The following ZNF540 variants were observed in gnomAD, a reference collection of about 807,000 sequenced individuals.
ZNF540 encodes the protein zinc finger protein 540, also known as CTD-3064H18.6.
ZNF540 carries 3 observed loss-of-function variants against 11.8 expected under a neutral mutation model. That is an observed-to-expected ratio of 0.25 (90% CI 0.12 to 0.65). The LOEUF (loss-of-function observed/expected upper bound fraction) is 0.65. ZNF540 is among the 30% of genes least tolerant of loss of function. The pLI is 0.83. For missense variants in ZNF540, 709 were observed against 793.1 expected (o/e 0.89, Z 1.27); for synonymous variants, 247 against 259.0 (o/e 0.95, Z 0.45).
At chr19:37,590,688 A>AT (rs1453851007), upstream of ZNF540, among the ~76,000 whole-genome samples, 1 of 152,188 alleles carries the variant, frequency 6.6e-6, no homozygotes, top group Non-Finnish European at 1.5e-5. Flanking sequence ...AAACTGGTAA[A>AT]TATGTAAGGA....
chr19:37,611,280 G>A (rs928600083), intron 4 of ZNF540: 12 of 284,376 alleles, frequency 4.2e-5, no homozygotes, highest in African/African-American at 6.7e-5. Context: ...ACCTGCCTTG[G>A]CCTTCCAAAG....
chr19:37,574,332 A>C (rs985579482), intron 1 of ZNF540, among the ~76,000 whole-genome samples: 1 of 152,206 alleles, frequency 6.6e-6, no homozygotes, highest in African/African-American at 2.4e-5. Flanking sequence ...GTCCTGGGAC[A>C]ACCCTGCTTT....
At chr19:37,593,604 T>G (rs373607586), upstream of ZNF540, among the ~76,000 whole-genome samples, 2 of 151,980 alleles carry the variant, frequency 1.3e-5, no homozygotes, top group Non-Finnish European at 2.9e-5. Context: ...TCGGGAGGCT[T>G]AGGCAGGAGA....
chr19:37,597,859 G>A (rs2044008444), intron 1 of ZNF540, among the ~76,000 whole-genome samples: 1 of 152,272 alleles, frequency 6.6e-6, no homozygotes, highest in Non-Finnish European at 1.5e-5. Context: ...AAACACATGA[G>A]CATAGCTGTG....
chr19:37,586,469 A>T, intron 1 of ZNF540: 1 of 621,490 alleles, frequency 1.6e-6, no homozygotes, highest in Non-Finnish European at 2.9e-6. Context: ...TGCTGAATGA[A>T]TATCTGAAAA....
intron 4 of ZNF540, among the ~76,000 whole-genome samples, chr19:37,607,207 A>G (rs1191050358): frequency 2.6e-5 from 4 of 152,168 alleles, no homozygotes; most frequent in Non-Finnish European, 4.4e-5. Flanking sequence ...AGCAGAAAGT[A>G]CAGGTTTCCT....
chr19:37,578,036 T>C (rs2043305319), intron 1 of ZNF540, among the ~76,000 whole-genome samples: 1 of 152,050 alleles, frequency 6.6e-6, no homozygotes, highest in African/African-American at 2.4e-5. Flanking sequence ...TCGAACCCTA[T>C]AGTAAAGTGT....
chr19:37,562,857 CTG>C (rs758974073), intron 1 of ZNF540: 3 of 152,108 alleles, frequency 2.0e-5, no homozygotes, highest in Non-Finnish European at 4.4e-5. Context: ...TGGTAATTAA[CTG>C]TTAACTGGCT....
intron 1 of ZNF540, among the ~76,000 whole-genome samples, chr19:37,574,863 TA>T: frequency 6.6e-6 from 1 of 152,246 alleles, no homozygotes; most frequent in East Asian, 1.9e-4. Context: ...TACCAACAAA[TA>T]AAGATCAACT....
intron 1 of ZNF540, chr19:37,555,831 T>C (rs890845604): frequency 1.2e-5 from 8 of 692,610 alleles, no homozygotes; most frequent in Non-Finnish European, 1.8e-5. Flanking sequence ...TCATGGACAG[T>C]TATAGTAAGA....
intron 1 of ZNF540, among the ~76,000 whole-genome samples, chr19:37,582,763 T>C (rs1310177377): frequency 6.6e-6 from 1 of 152,224 alleles, no homozygotes; most frequent in Non-Finnish European, 1.5e-5. Flanking sequence ...CTTCAAAATA[T>C]AGCCTGTTCT....
intron 1 of ZNF540, among the ~76,000 whole-genome samples, chr19:37,557,427 G>A (rs1276929624): frequency 1.3e-5 from 2 of 152,156 alleles, no homozygotes; most frequent in African/African-American, 2.4e-5. Context: ...CAGTGTTAAC[G>A]TTAATATCCT....
At chr19:37,603,244 T>A (rs2044054540) in intron 4 of ZNF540, among the ~76,000 whole-genome samples, 1 of 152,144 alleles carries the variant, frequency 6.6e-6, no homozygotes, top group Admixed American at 6.5e-5. Context: ...TGACCTCAGA[T>A]GATCCACCCA....
chr19:37,575,211 T>C (rs1211870522), intron 1 of ZNF540, among the ~76,000 whole-genome samples: 1 of 152,202 alleles, frequency 6.6e-6, no homozygotes, highest in Non-Finnish European at 1.5e-5. Context: ...CTAACTACTT[T>C]ATGGATGCAT....
Position 37,601,103 on chromosome 19 carries a change from C to T in ZNF540, c.230C>T (p.Pro77Leu), listed in dbSNP as rs1361868321. ...VARDVTGRQC[P>L]GLLSRHKTKK... ...AGGGATGTGACAGGAAGACAGTGCCCCGGTGAGTTGAGAGTTCATCAGGCA... is the reference window on the plus strand; with the variant it reads ...AGGGATGTGACAGGAAGACAGTGCCTCGGTGAGTTGAGAGTTCATCAGGCA... Residue 77 changes from proline (P) to leucine (L), a missense_variant and splice_region_variant, in exon 4 of 5, where the codon CCC becomes CTC. By Grantham distance (98) the Pro-to-Leu change is moderately conservative. Transcript: ENST00000316433. 6.4e-7 allele frequency: 1 copy of T among 1,572,198 alleles called. No individual in the cohort carries two copies. The highest frequency in any genetic ancestry group is 8.6e-7 in the Non-Finnish European group (1 of 1,158,418).
chr19:37,584,486 A>T (rs1308911444), intron 1 of ZNF540, among the ~76,000 whole-genome samples: 5 of 152,232 alleles, frequency 3.3e-5, no homozygotes, highest in Admixed American at 6.5e-5. Context: ...AAATACTTTT[A>T]AAAAGATGAA....
intron 1 of ZNF540, among the ~76,000 whole-genome samples, chr19:37,561,310 A>G (rs1368260035): frequency 6.6e-6 from 1 of 152,220 alleles, no homozygotes; most frequent in East Asian, 1.9e-4. Context: ...CCTTGGCTAC[A>G]GAAATTGTTC....
At chr19:37,583,159 C>A (rs2043534280) in intron 1 of ZNF540, among the ~76,000 whole-genome samples, 1 of 152,168 alleles carries the variant, frequency 6.6e-6, no homozygotes. Flanking sequence ...TGATTTACAG[C>A]CAACTTTATT....
At chr19:37,600,870 T>G in intron 3 of ZNF540, 140 bp from the exon 4 acceptor site, 1 of 663,570 alleles carries the variant, frequency 1.5e-6, no homozygotes, top group Non-Finnish European at 2.5e-6. Context: ...CTAAGTTGAA[T>G]ATTCTTTAAT....
Sources: gnomAD v4.1 joint callset for allele counts (sites outside exome capture counted in the v4.1 genomes callset) on GRCh38, gnomAD v4.1.1 for gene constraint, MANE v1.5 for transcripts, NCBI Gene and HGNC (gene_info 2026-07-23, HGNC 2026-07-21) for gene names.